KCNAB1: variants seen among roughly 807,000 people sequenced by gnomAD.
KCNAB1 encodes voltage-gated potassium channel subunit beta-1.
In KCNAB1, 35 loss-of-function variants were observed where a neutral mutation model predicts 64.6. The observed-to-expected ratio is 0.54, with a 90% confidence interval of 0.41 to 0.72. The LOEUF (loss-of-function observed/expected upper bound fraction) is 0.72. Ranked by LOEUF, KCNAB1 falls within the 30% of genes least tolerant of loss-of-function variation. The pLI is 0.00. For missense variants in KCNAB1, 401 were observed against 512.9 expected, an observed-to-expected ratio of 0.78 and a Z score of 2.11; for synonymous variants, 177 against 183.8, an observed-to-expected ratio of 0.96 and a Z score of 0.30.
chr3:156,257,330 G>C (rs1487188426), intron 1 of KCNAB1, among the ~76,000 whole-genome samples: 1 of 152,132 alleles, frequency 6.6e-6, no homozygotes, highest in African/African-American at 2.4e-5. Context: ...TTTCTGCTTA[G>C]CAACTTCCTT....
At chr3:156,159,631 T>A (rs1443878627) in intron 1 of KCNAB1, among the ~76,000 whole-genome samples, 1 of 152,184 alleles carries the variant, frequency 6.6e-6, no homozygotes, top group Middle Eastern at 3.2e-3. Context: ...ACGCGAAGAC[T>A]AAGTGCACAG....
chr3:156,178,788 T>C (rs1053998086), intron 1 of KCNAB1, among the ~76,000 whole-genome samples: 2 of 151,880 alleles, frequency 1.3e-5, no homozygotes, highest in Non-Finnish European at 2.9e-5. Flanking sequence ...GATCACGAGG[T>C]CAGGAGATCG....
intron 1 of KCNAB1, among the ~76,000 whole-genome samples, chr3:156,123,794 G>C (rs1347059194): frequency 1.3e-5 from 2 of 152,160 alleles, no homozygotes; most frequent in Non-Finnish European, 2.9e-5. Context: ...CTTACTGCCT[G>C]TAACTGTGGG....
intron 1 of KCNAB1, among the ~76,000 whole-genome samples, chr3:156,193,540 C>A (rs1249191592): frequency 2.0e-5 from 3 of 152,252 alleles, no homozygotes; most frequent in Non-Finnish European, 2.9e-5. Flanking sequence ...GTTTAATGAG[C>A]TCACAGTTCT....
intron 1 of KCNAB1, among the ~76,000 whole-genome samples, chr3:156,260,236 C>T (rs1043184210): frequency 6.6e-6 from 1 of 152,092 alleles, no homozygotes; most frequent in African/African-American, 2.4e-5. Context: ...TCTTAGCAAA[C>T]CATGTTCTGT....
intron 1 of KCNAB1, among the ~76,000 whole-genome samples, chr3:156,396,403 A>T (rs1238476989): frequency 2.0e-5 from 3 of 152,340 alleles, no homozygotes; most frequent in East Asian, 3.9e-4. Context: ...AGCCACTTTC[A>T]TCCTTCTATA....
rs150899002 is a variant in KCNAB1, at chr3:156,519,360, A to G, written c.960+2996A>G. Among the ~76,000 whole-genome samples the G allele has an allele frequency of 4.7e-4, 71 of 152,180 alleles. 1 individual carries two copies. In the East Asian group the frequency reaches 0.013, roughly 28 times the overall value. ...CTATTTTTTTTCATTTGTGTCTCCC[A>G]TATCATACTACTTCATTTTCCATGC... On this transcript the variant is annotated intron_variant, in intron 11 of 13. Transcript: ENST00000490337.
At chr3:156,354,295 TG>T (rs1725084984) in intron 1 of KCNAB1, among the ~76,000 whole-genome samples, 1 of 151,502 alleles carries the variant, frequency 6.6e-6, no homozygotes, top group Non-Finnish European at 1.5e-5. Flanking sequence ...CCCGAGCAGC[TG>T]GGATTACAGG....
At chr3:156,322,494 C>T (rs889855392) in intron 1 of KCNAB1, among the ~76,000 whole-genome samples, 2 of 152,170 alleles carry the variant, frequency 1.3e-5, no homozygotes, top group Non-Finnish European at 2.9e-5. Flanking sequence ...ATAGCATTTA[C>T]ACTGTATTAG....
At chr3:156,235,519 C>G (rs1716794970) in intron 1 of KCNAB1, among the ~76,000 whole-genome samples, 1 of 152,204 alleles carries the variant, frequency 6.6e-6, no homozygotes, top group Non-Finnish European at 1.5e-5. Context: ...TTACCCAGTG[C>G]AGTTCAAGCC....
At chr3:156,251,125 TA>T (rs1441501269) in intron 1 of KCNAB1, among the ~76,000 whole-genome samples, 1 of 152,162 alleles carries the variant, frequency 6.6e-6, no homozygotes, top group Non-Finnish European at 1.5e-5. Context: ...ATGTACCAAG[TA>T]AAAACCTGAT....
chr3:156,419,006 A>T (rs1203467202), intron 1 of KCNAB1, among the ~76,000 whole-genome samples: 1 of 152,214 alleles, frequency 6.6e-6, no homozygotes, highest in Non-Finnish European at 1.5e-5. Context: ...AGCAGTGGCA[A>T]GAAAATGGGC....
At chr3:156,313,421 A>G (rs2108011310) in intron 1 of KCNAB1, among the ~76,000 whole-genome samples, 1 of 152,322 alleles carries the variant, frequency 6.6e-6, no homozygotes, top group South Asian at 2.1e-4. Flanking sequence ...ATCCTGGATT[A>G]TCTGAGTGGT....
At chr3:156,466,336 A>G (rs1019288756) in intron 7 of KCNAB1, among the ~76,000 whole-genome samples, 4 of 152,154 alleles carry the variant, frequency 2.6e-5, no homozygotes, top group Non-Finnish European at 4.4e-5. Flanking sequence ...GTAATAGTCC[A>G]CTATATGGAT....
chr3:156,217,250 G>A (rs192355988), intron 1 of KCNAB1, among the ~76,000 whole-genome samples: 13 of 152,282 alleles, frequency 8.5e-5, no homozygotes, highest in Non-Finnish European at 1.5e-5. Flanking sequence ...TGTAAAAATT[G>A]CAATCCAGAT....
intron 1 of KCNAB1, among the ~76,000 whole-genome samples, chr3:156,363,888 C>G (rs1350668435): frequency 6.6e-6 from 1 of 152,204 alleles, no homozygotes; most frequent in Non-Finnish European, 1.5e-5. Context: ...CTAGAAAGCT[C>G]TAAGACAAAC....
Position 156,229,955 on chromosome 3 carries a change from C to T in KCNAB1, c.275+109069C>T, listed in dbSNP as rs527553811. ...TAGTATGGGAAAACATTTAGTTAGA[C>T]ATCTAACACATACTTATTGATTGTT... On this transcript the variant is annotated intron_variant, in intron 1 of 13. Coordinates refer to ENST00000490337, the MANE Select transcript of KCNAB1 (RefSeq NM_172160.3). 2.6e-5 allele frequency among the ~76,000 whole-genome samples: 4 copies of T among 152,244 alleles called. No homozygotes were observed. The East Asian group carries it at 7.7e-4, about 29-fold the overall frequency.
At chr3:156,473,980 T>C (rs1409258994) in intron 7 of KCNAB1, among the ~76,000 whole-genome samples, 1 of 152,166 alleles carries the variant, frequency 6.6e-6, no homozygotes, top group Non-Finnish European at 1.5e-5. Flanking sequence ...TGAGTATTCA[T>C]AGAAATGTGA....
At chr3:156,152,668 A>C (rs1715482281) in intron 1 of KCNAB1, among the ~76,000 whole-genome samples, 1 of 152,246 alleles carries the variant, frequency 6.6e-6, no homozygotes, top group South Asian at 2.1e-4. Context: ...TGTGCAGCTC[A>C]TTAAGTATCC....
Sources: allele counts gnomAD v4.1 joint callset (sites outside exome capture counted in the v4.1 genomes callset), GRCh38; gene constraint gnomAD v4.1.1; transcripts MANE v1.5; gene names NCBI Gene and HGNC (gene_info 2026-07-23, HGNC 2026-07-21).